FBXL7: variants seen among roughly 807,000 people sequenced by gnomAD.
FBXL7 encodes the protein F-box/LRR-repeat protein 7.
In FBXL7, 12 loss-of-function variants were observed where a neutral mutation model predicts 38.3. That is an observed-to-expected ratio of 0.31 (90% CI 0.20 to 0.51). The LOEUF is 0.51. FBXL7 is among the 20% of genes least tolerant of loss of function. The pLI is 0.98. For synonymous variants in FBXL7, 297 were observed against 300.9 expected, an observed-to-expected ratio of 0.99 and a Z score of 0.13; for missense variants, 567 against 676.4, an observed-to-expected ratio of 0.84 and a Z score of 1.79.
At chr5:15,921,880 GGAATC>G (rs1741752044) in intron 2 of FBXL7, among the ~76,000 whole-genome samples, 1 of 152,084 alleles carries the variant, frequency 6.6e-6, no homozygotes, top group East Asian at 1.9e-4. Flanking sequence ...GAGAACCCTT[GGAATC>G]TAGATTGTTG....
chr5:15,501,470 C>G (rs1189728764), intron 1 of FBXL7: 12 of 985,568 alleles, frequency 1.2e-5, no homozygotes, highest in Non-Finnish European at 1.4e-5. Context: ...CAATTAGCAG[C>G]TAGCCCCTGA....
rs1245304546 is a variant in FBXL7 at position 15,936,836 on chromosome 5, A to G, written c.1126A>G (p.Ser376Gly). The change falls in exon 4 of 4, where the codon AGC (serine) becomes GGC (glycine). Residue 376 changes from serine (S) to glycine (G), a missense_variant. Ser to Gly is a moderately conservative substitution (Grantham distance 56). Transcript: ENST00000504595. This position sits in a 1 kb window ranked among gnomAD's most constrained non-coding sequence, Gnocchi z 6.0. ...VGIRYVAKYC[S>G]KLRYLNARGC... ...CATCCGCTACGTGGCCAAGTACTGC[A>G]GCAAGCTGCGCTACCTCAACGCGAG... 1 of 1,613,650 alleles carries G rather than the reference A, an allele frequency of 6.2e-7. No individual in the cohort carries two copies. The highest frequency in any genetic ancestry group is 1.1e-5 in the South Asian group (1 of 91,036).
rs148553970 is a variant in FBXL7 at position 15,915,621 on chromosome 5, A to T, written c.128-12269A>T. Among the ~76,000 whole-genome samples the T allele has an allele frequency of 3.0e-4, 45 of 152,322 alleles. 2 individuals are homozygous for T. The highest frequency in any genetic ancestry group is 2.8e-3 in the Admixed American group (43 of 15,300). ...TTTCCAAATAAGGTCACTTTCACAG[A>T]CACAGGGCTGGTTAAGACTTCATCA... is the stretch of plus-strand genomic sequence containing the variant. On this transcript the variant is annotated intron_variant, in intron 2 of 3. Transcript: ENST00000504595.
intron 1 of FBXL7, among the ~76,000 whole-genome samples, chr5:15,577,780 C>T (rs1358251140): frequency 6.6e-6 from 1 of 152,076 alleles, no homozygotes; most frequent in East Asian, 1.9e-4. Context: ...TGCCACTGTC[C>T]GTCTCCAAGG....
intron 2 of FBXL7, among the ~76,000 whole-genome samples, chr5:15,744,788 T>A (rs1561109252): frequency 6.6e-6 from 1 of 152,182 alleles, no homozygotes; most frequent in Non-Finnish European, 1.5e-5. Context: ...TTTGCATGGC[T>A]GGGGAGGCCT....
rs58451783 is a variant in FBXL7, at chr5:15,807,390, G to A, written c.128-120500G>A. On this transcript the variant is annotated intron_variant, in intron 2 of 3. Coordinates refer to ENST00000504595, the MANE Select transcript of FBXL7 (RefSeq NM_012304.5). ...CATGCCTCTTCTGACCCATTGTGCC[G>A]TGTGCACTGGGAAGGAGATGACCAT... Among the ~76,000 whole-genome samples the A allele has an allele frequency of 9.5e-3, 1,446 of 152,250 alleles. 27 individuals are homozygous for A. The highest frequency in any genetic ancestry group is 0.033 in the African/African-American group (1,363 of 41,542).
intron 2 of FBXL7, among the ~76,000 whole-genome samples, chr5:15,702,583 G>C (rs1046214542): frequency 2.0e-5 from 3 of 152,100 alleles, no homozygotes; most frequent in Admixed American, 6.5e-5. Flanking sequence ...TTTTTCAATA[G>C]GTTCATTGTT....
intron 2 of FBXL7, among the ~76,000 whole-genome samples, chr5:15,906,484 AT>A (rs1741368230): frequency 8.8e-6 from 1 of 113,412 alleles, no homozygotes; most frequent in African/African-American, 3.5e-5. Flanking sequence ...CATAATTATT[AT>A]TTTTTAGTTG....
At chr5:15,715,351 C>T (rs1744012207) in intron 2 of FBXL7, among the ~76,000 whole-genome samples, 4 of 151,678 alleles carry the variant, frequency 2.6e-5, no homozygotes, top group Non-Finnish European at 5.9e-5. Context: ...ATTAGCTGGG[C>T]GTGATGGCAC....
chr5:15,651,247 C>T (rs1403276201), intron 2 of FBXL7, among the ~76,000 whole-genome samples: 1 of 151,904 alleles, frequency 6.6e-6, no homozygotes, highest in African/African-American at 2.4e-5. Flanking sequence ...CAGGCACCCG[C>T]CATCATGCCT....
chr5:15,927,995 C>T lies in FBXL7; in HGVS notation c.233C>T (p.Ser78Phe). 1 of 1,601,396 alleles carries T rather than the reference C, an allele frequency of 6.2e-7. No homozygotes were observed. Among genetic ancestry groups the T allele is most frequent in the Non-Finnish European group, 8.5e-7 (1 of 1,172,314 alleles). ...GGAAGGGGCTCGTCCACCTCCTCGT[C>T]CTCCATCACCGGGGAGACGGTGGCC... Reference protein sequence around the residue: ...QNGRGSSTSSSSITGETVAMV... With the variant: ...QNGRGSSTSSFSITGETVAMV... The change falls in exon 3 of 4, where the codon TCC becomes TTC. Residue 78 changes from serine to phenylalanine, a missense_variant. Ser to Phe is a radical substitution (Grantham distance 155, BLOSUM62 -2). Transcript: ENST00000504595.
At chr5:15,566,850 C>G (rs977402507) in intron 1 of FBXL7, among the ~76,000 whole-genome samples, 3 of 152,100 alleles carry the variant, frequency 2.0e-5, no homozygotes, top group Non-Finnish European at 2.9e-5. Flanking sequence ...TGGGGACTTG[C>G]AAATCACTTT....
chr5:15,744,089 A>T (rs1274700370), intron 2 of FBXL7, among the ~76,000 whole-genome samples: 1 of 152,170 alleles, frequency 6.6e-6, no homozygotes, highest in Admixed American at 6.5e-5. Flanking sequence ...AAGACCTCTG[A>T]CATGTCCTGG....
In FBXL7 at chr5:15,725,028, G is replaced by A. The variant is rs138687483; in HGVS notation, c.127+108956G>A. 2.4e-3 allele frequency among the ~76,000 whole-genome samples: 361 copies of A among 152,190 alleles called. 2 individuals carry two copies. Among genetic ancestry groups the A allele is most frequent in the Non-Finnish European group, 4.3e-3 (293 of 68,012 alleles). ...CTCAGACTGTATTTTCTTGATCCCT[G>A]TCAGTAAAACCATTCATATACTTGT... is the stretch of plus-strand genomic sequence containing the variant. On this transcript the variant is annotated intron_variant, in intron 2 of 3. Coordinates refer to ENST00000504595, the MANE Select transcript of FBXL7 (RefSeq NM_012304.5).
chr5:15,753,309 A>T (rs10520822), intron 2 of FBXL7, among the ~76,000 whole-genome samples: 34,769 of 152,048 alleles, frequency 0.23, 4,161 homozygotes, highest in East Asian at 0.44. Context: ...CAGCTATCCA[A>T]ATTGGCTCAA....
intron 1 of FBXL7, among the ~76,000 whole-genome samples, chr5:15,532,317 A>C (rs1737454253): frequency 1.3e-5 from 2 of 152,202 alleles, no homozygotes; most frequent in Admixed American, 1.3e-4. Context: ...TTTTGAAGTG[A>C]AAAATTAATA....
intron 1 of FBXL7, among the ~76,000 whole-genome samples, chr5:15,508,134 CAGA>C (rs1240313416): frequency 6.6e-6 from 1 of 152,170 alleles, no homozygotes; most frequent in Non-Finnish European, 1.5e-5. Flanking sequence ...TAAATATTCT[CAGA>C]AGACTTACAT....
At chr5:15,846,920 A>G (rs892792058) in intron 2 of FBXL7, among the ~76,000 whole-genome samples, 6 of 152,210 alleles carry the variant, frequency 3.9e-5, no homozygotes, top group African/African-American at 1.4e-4. Context: ...AGATATAGAA[A>G]TTAAAAATTA....
chr5:15,518,142 C>T (rs774978581), intron 1 of FBXL7, among the ~76,000 whole-genome samples: 1 of 152,114 alleles, frequency 6.6e-6, no homozygotes, highest in Non-Finnish European at 1.5e-5. Flanking sequence ...AGGCCCACAC[C>T]ACCATGCCGG....
Sources: gnomAD v4.1 joint callset for allele counts (sites outside exome capture counted in the v4.1 genomes callset) on GRCh38, gnomAD v4.1.1 for gene constraint, Gnocchi (gnomAD v3.1) non-coding constraint, MANE v1.5 for transcripts, NCBI Gene and HGNC (gene_info 2026-07-23, HGNC 2026-07-21) for gene names.